The following ZBTB17 variants were observed in gnomAD, a reference collection of about 807,000 sequenced individuals.
ZBTB17 encodes zinc finger and BTB domain-containing protein 17.
A neutral mutation model predicts 85.1 loss-of-function variants in ZBTB17; 24 were observed. That is an observed-to-expected ratio of 0.28 (90% CI 0.20 to 0.40). The LOEUF is 0.40. Ranked by LOEUF, ZBTB17 falls within the 10% of genes least tolerant of loss-of-function variation. The probability of loss-of-function intolerance (pLI) is 1.00; values close to 1 mark genes in which losing one functional copy is unlikely to be tolerated. For synonymous variants in ZBTB17, 464 were observed against 460.2 expected, an observed-to-expected ratio of 1.01 and a Z score of -0.11; for missense variants, 743 against 1,105.1, an observed-to-expected ratio of 0.67 and a Z score of 4.65.
At chr1:15,975,615 C>A (rs1375511665) in intron 1 of ZBTB17, among the ~76,000 whole-genome samples, 1 of 152,094 alleles carries the variant, frequency 6.6e-6, no homozygotes, top group East Asian at 1.9e-4. Flanking sequence ...CCCGGCACTG[C>A]GCTCCCTCGC....
At position 15,947,107 on chromosome 1, in the gene ZBTB17, C is replaced by A; in HGVS notation, c.222G>T (p.Leu74=). 6.2e-7 allele frequency: 1 copy of A among 1,611,556 alleles called. No homozygotes were observed. The highest frequency in any genetic ancestry group is 2.2e-5 in the East Asian group (1 of 44,816). The change falls in exon 4 of 16, where the codon CTG becomes CTT. Residue 74 remains leucine (L), a synonymous_variant. Coordinates refer to ENST00000375743, the MANE Select transcript of ZBTB17 (RefSeq NM_003443.3). ...ISNAAGLGQV[L]EFMYTAKLSL... ...TCAGCTTGGCCGTGTACATAAACTC[C>A]AGCACCTGCCCCAGGCCTACCAAGG...
intron 2 of ZBTB17, among the ~76,000 whole-genome samples, 169 bp downstream of exon 2, chr1:15,972,870 A>C (rs144517343): frequency 6.6e-6 from 1 of 152,234 alleles, no homozygotes; most frequent in Non-Finnish European, 1.5e-5. Flanking sequence ...AGGTAAAACA[A>C]TAATAGTAAG....
intron 13 of ZBTB17, 134 bp from the exon 14 acceptor site, chr1:15,942,872 C>A: frequency 1.5e-6 from 2 of 1,334,196 alleles, no homozygotes; most frequent in Non-Finnish European, 1.0e-6. Flanking sequence ...TGCACGGGTG[C>A]CTCTGGTGAC....
intron 2 of ZBTB17, among the ~76,000 whole-genome samples, chr1:15,949,765 C>A (rs1023855272): frequency 6.6e-6 from 1 of 152,244 alleles, no homozygotes; most frequent in Non-Finnish European, 1.5e-5. Flanking sequence ...GTGATGAGTC[C>A]GGAGGAAGCC....
chr1:15,960,928 C>A (rs112453215), intron 2 of ZBTB17, among the ~76,000 whole-genome samples: 5,262 of 152,202 alleles, frequency 0.035, 290 homozygotes, highest in African/African-American at 0.12. Flanking sequence ...GCCTGGGCAA[C>A]ATGGTGAGAC....
intron 2 of ZBTB17, among the ~76,000 whole-genome samples, chr1:15,969,113 G>C (rs2072548248): frequency 6.6e-6 from 1 of 152,184 alleles, no homozygotes; most frequent in South Asian, 2.1e-4. Context: ...AGCAGCATTA[G>C]ATACTCACAG....
rs566973637 is a variant in ZBTB17, at chr1:15,950,153, C to T, written c.-2-1656G>A. On this transcript the variant is annotated intron_variant, in intron 2 of 15. Coordinates refer to ENST00000375743, the MANE Select transcript of ZBTB17 (RefSeq NM_003443.3). ...GGGGCAGCTGGCCCCGCACCAAGTG[C>T]ACCAAGTGGCTGGCAGCAGCACACG... Among the ~76,000 whole-genome samples, 153 of 152,374 alleles carry T rather than the reference C, an allele frequency of 1.0e-3. 1 individual carries two copies. The highest frequency in any genetic ancestry group is 1.9e-3 in the Non-Finnish European group (127 of 68,044).
chr1:15,975,953 C>T, intron 1 of ZBTB17, 30 bp downstream of exon 1: 1 of 699,038 alleles, frequency 1.4e-6, no homozygotes, highest in Non-Finnish European at 2.6e-6. Flanking sequence ...CCCGGGACTT[C>T]CCCGGCCCCG....
intron 2 of ZBTB17, among the ~76,000 whole-genome samples, chr1:15,967,503 A>AT (rs1191911613): frequency 6.6e-6 from 1 of 151,400 alleles, no homozygotes; most frequent in Non-Finnish European, 1.5e-5. Context: ...ACACGGCGAG[A>AT]TTCTGTCTCT....
rs1336345856 is a variant in ZBTB17 at position 15,974,333 on chromosome 1, C to T, written c.-89-1208G>A. Among the ~76,000 whole-genome samples, 374 of 147,284 alleles carry T rather than the reference C, an allele frequency of 2.5e-3. 1 individual carries two copies. The highest frequency in any genetic ancestry group is 8.5e-3 in the African/African-American group (343 of 40,180). On this transcript the variant is annotated intron_variant, in intron 1 of 15. Transcript: ENST00000375743. ...CACCATGCCCGGCTATTTTTTTTTTCCTTTTTTTTTTTTTTTCTTTTAATA... is the reference window on the plus strand; with the variant it reads ...CACCATGCCCGGCTATTTTTTTTTTTCTTTTTTTTTTTTTTTCTTTTAATA...
At position 15,943,458 on chromosome 1, in the gene ZBTB17, G is replaced by A. The variant is rs779693297; in HGVS notation, c.1638C>T (p.Ile546=). Residue 546 remains isoleucine, a synonymous_variant, in exon 12 of 16, where the codon ATC becomes ATT. Transcript: ENST00000375743. ...GKAFTQASSL[I]AHVRQHTGEK... ...CCCCGGTGTGCTGGCGCACGTGGGC[G>A]ATGAGGGAGCTGGCCTGGGTGAAGG... is the stretch of plus-strand genomic sequence containing the variant. 2.5e-6 allele frequency: 4 copies of A among 1,611,166 alleles called. No individual in the cohort carries two copies. In the South Asian group the frequency reaches 3.3e-5, roughly 13 times the overall value.
intron 1 of ZBTB17, among the ~76,000 whole-genome samples, chr1:15,975,757 G>A (rs888202445): frequency 2.0e-5 from 3 of 151,830 alleles, no homozygotes; most frequent in African/African-American, 7.3e-5. Context: ...CGCCCGGGCG[G>A]TCGCCTGGCC....
intron 2 of ZBTB17, chr1:15,969,984 C>A: frequency 1.2e-6 from 1 of 849,776 alleles, no homozygotes; most frequent in Non-Finnish European, 1.9e-6. Flanking sequence ...GGAAGAGAAG[C>A]TACAAAATAT....
At chr1:15,949,058 C>T (rs540329552) in intron 2 of ZBTB17, among the ~76,000 whole-genome samples, 7 of 152,272 alleles carry the variant, frequency 4.6e-5, no homozygotes, top group South Asian at 2.1e-4. Context: ...CCCCATCCCC[C>T]GACAAAGCCT....
rs1236494152 is a variant in ZBTB17, at chr1:15,943,050, G to T, written c.1828+14C>A. Reference sequence around the variant, plus strand: ...GCCTGGGAAGGAACAGGCATGGTAGGGGCCACAGCTCACCAGTGTGAATGA... The same window carrying T: ...GCCTGGGAAGGAACAGGCATGGTAGTGGCCACAGCTCACCAGTGTGAATGA... On this transcript the variant is annotated intron_variant, in intron 13 of 15. Coordinates refer to ENST00000375743, the MANE Select transcript of ZBTB17 (RefSeq NM_003443.3). 2 of 1,613,932 alleles carry T rather than the reference G, an allele frequency of 1.2e-6. No homozygotes were observed. The highest frequency in any genetic ancestry group is 1.7e-5 in the Admixed American group (1 of 60,008).
chr1:15,962,720 T>C (rs1281940494), intron 2 of ZBTB17, among the ~76,000 whole-genome samples: 1 of 152,192 alleles, frequency 6.6e-6, no homozygotes, highest in Non-Finnish European at 1.5e-5. Flanking sequence ...AAATTCTCTG[T>C]CATCACAGGC....
At position 15,947,055 on chromosome 1, in the gene ZBTB17, C is replaced by T. The variant is rs145893958; in HGVS notation, c.274G>A (p.Val92Met). The change falls in exon 4 of 16, where the codon GTG (valine) becomes ATG (methionine). Residue 92 changes from valine (V) to methionine (M), a missense_variant. Coordinates refer to ENST00000375743, the MANE Select transcript of ZBTB17 (RefSeq NM_003443.3). ...LSLSPENVDDVLAVATFLQMQ... is the reference protein window; with the variant it reads ...LSLSPENVDDMLAVATFLQMQ... ...TGGAGGAAAGTGGCCACGGCCAGCA[C>T]ATCATCCACGTTCTCAGGGCTCAGG... The T allele has an allele frequency of 2.5e-6, 4 of 1,613,990 alleles. No individual in the cohort carries two copies. In the African/African-American group the frequency reaches 4.0e-5, roughly 16 times the overall value.
intron 2 of ZBTB17, among the ~76,000 whole-genome samples, chr1:15,971,552 ATATATATACACACACACT>A (rs2072683605): frequency 6.9e-6 from 1 of 144,970 alleles, no homozygotes; most frequent in Non-Finnish European, 1.5e-5. Flanking sequence ...CACACACACT[ATATATATACACACACACT>A]ATATATATAT....
chr1:15,969,389 AC>A (rs2072558261), intron 2 of ZBTB17, among the ~76,000 whole-genome samples: 1 of 151,180 alleles, frequency 6.6e-6, no homozygotes, highest in African/African-American at 2.4e-5. Flanking sequence ...ACCACCTCCC[AC>A]CCCCCACCCC....
Sources: allele counts gnomAD v4.1 joint callset (sites outside exome capture counted in the v4.1 genomes callset), GRCh38; gene constraint gnomAD v4.1.1; transcripts MANE v1.5; gene names NCBI Gene and HGNC (gene_info 2026-07-23, HGNC 2026-07-21).